Variants in DYRK1A observed in about 807,000 individuals in gnomAD.
DYRK1A encodes the protein dual specificity tyrosine-phosphorylation-regulated kinase 1A.
DYRK1A carries 9 observed loss-of-function variants against 79.7 expected under a neutral mutation model. That is an observed-to-expected ratio of 0.11 (90% confidence interval 0.07 to 0.20). DYRK1A has a LOEUF of 0.20. Ranked by LOEUF, DYRK1A falls within the 10% of genes least tolerant of loss-of-function variation. The pLI is 1.00. For synonymous variants in DYRK1A, 349 were observed against 329.7 expected, an observed-to-expected ratio of 1.06 and a Z score of -0.63; for missense variants, 622 against 956.0, an observed-to-expected ratio of 0.65 and a Z score of 4.61.
chr21:37,376,639 C>T (rs1287938573), intron 1 of DYRK1A, among the ~76,000 whole-genome samples: 1 of 152,058 alleles, frequency 6.6e-6, no homozygotes, highest in East Asian at 1.9e-4. Context: ...TTGGTAATGG[C>T]ACTGTGGGTA....
At chr21:37,417,207 G>T (rs1248589047) in intron 1 of DYRK1A, among the ~76,000 whole-genome samples, 1 of 151,672 alleles carries the variant, frequency 6.6e-6, no homozygotes, top group African/African-American at 2.4e-5. Context: ...ATATATTTTT[G>T]GAGACAGAGT....
intron 2 of DYRK1A, among the ~76,000 whole-genome samples, chr21:37,424,805 A>G (rs1170784046): frequency 2.0e-5 from 3 of 152,172 alleles, no homozygotes; most frequent in Non-Finnish European, 2.9e-5. Context: ...CCTAGGAGTC[A>G]TAATGTTTGA....
chr21:37,486,431 T>G (rs1409612088), intron 5 of DYRK1A, 36 bp from the exon 6 acceptor site: 5 of 1,401,328 alleles, frequency 3.6e-6, no homozygotes, highest in Non-Finnish European at 4.7e-6. Context: ...ATTTTTGCAA[T>G]TAATGAAATA....
At chr21:37,441,168 T>G (rs532230485) in intron 2 of DYRK1A, among the ~76,000 whole-genome samples, 3 of 152,336 alleles carry the variant, frequency 2.0e-5, no homozygotes, top group African/African-American at 7.2e-5. Context: ...GTGATATTCT[T>G]CAGACTGCAG....
intron 8 of DYRK1A, among the ~76,000 whole-genome samples, chr21:37,494,387 T>G (rs1175399071): frequency 6.6e-6 from 1 of 152,160 alleles, no homozygotes; most frequent in African/African-American, 2.4e-5. Context: ...TCCTACTTCC[T>G]CTGATGCCAG....
At chr21:37,482,417 G>A (rs1043342668) in intron 5 of DYRK1A, among the ~76,000 whole-genome samples, 3 of 152,150 alleles carry the variant, frequency 2.0e-5, no homozygotes, top group East Asian at 1.9e-4. Flanking sequence ...CCCACAAGCC[G>A]CAAAACCAGC....
chr21:37,499,275 C>CTTGAA (rs2053367548), intron 9 of DYRK1A, among the ~76,000 whole-genome samples: 1 of 152,068 alleles, frequency 6.6e-6, no homozygotes. Context: ...TGTGGTCCAT[C>CTTGAA]TTGAATTAAT....
At chr21:37,424,203 C>T (rs1304375414) in intron 2 of DYRK1A, among the ~76,000 whole-genome samples, 1 of 152,048 alleles carries the variant, frequency 6.6e-6, no homozygotes, top group Non-Finnish European at 1.5e-5. Context: ...GTCTGTGTCT[C>T]CTTCTCTAGC....
chr21:37,468,687 C>T (rs1056281018), intron 2 of DYRK1A, among the ~76,000 whole-genome samples: 1 of 152,010 alleles, frequency 6.6e-6, no homozygotes, highest in African/African-American at 2.4e-5. Flanking sequence ...AAACTTGATT[C>T]CTATTTTACA....
chr21:37,445,852 C>T (rs1296326503), intron 2 of DYRK1A, among the ~76,000 whole-genome samples: 2 of 152,132 alleles, frequency 1.3e-5, no homozygotes, highest in Non-Finnish European at 2.9e-5. Context: ...GCAGTCTTAA[C>T]ATTCTTACTG....
At chr21:37,464,818 A>G (rs2051970093) in intron 2 of DYRK1A, among the ~76,000 whole-genome samples, 1 of 152,170 alleles carries the variant, frequency 6.6e-6, no homozygotes, top group Non-Finnish European at 1.5e-5. Flanking sequence ...GAACTGAGTC[A>G]TTTTTTCCAT....
chr21:37,446,008 A>G (rs1034568023), intron 2 of DYRK1A, among the ~76,000 whole-genome samples: 12 of 152,178 alleles, frequency 7.9e-5, no homozygotes, highest in Admixed American at 7.9e-4. Context: ...TCTTACTGTA[A>G]TTGATGTGGG....
intron 2 of DYRK1A, 89 bp downstream of exon 2, chr21:37,420,473 A>G (rs984047675): frequency 3.1e-5 from 43 of 1,375,104 alleles, no homozygotes; most frequent in Non-Finnish European, 4.3e-5. Context: ...TTTCTGATAA[A>G]TAGCAGTTAG....
chr21:37,478,430 A>G, intron 4 of DYRK1A, 130 bp downstream of exon 4: 1 of 651,216 alleles, frequency 1.5e-6, no homozygotes, highest in Non-Finnish European at 2.5e-6. Flanking sequence ...ATGAAGACTA[A>G]TGATTTAGAA....
rs80137497 is a variant in DYRK1A at position 37,429,651 on chromosome 21, T to C, written c.10+9267T>C. On this transcript the variant is annotated intron_variant, in intron 2 of 11. Transcript: ENST00000647188. ...CTTTCAAGAGGCCTCTCCTCCAACA[T>C]TGAGAATTACAGCTTGACGTGAGAT... is the stretch of plus-strand genomic sequence containing the variant. Among the ~76,000 whole-genome samples the C allele has an allele frequency of 9.1e-3, 1,379 of 152,264 alleles. 20 individuals are homozygous for C. Among genetic ancestry groups the C allele is most frequent in the African/African-American group, 0.032 (1,322 of 41,530 alleles).
chr21:37,496,389 A>C (rs1204070428), intron 9 of DYRK1A, 131 bp downstream of exon 9: 4 of 918,816 alleles, frequency 4.4e-6, no homozygotes. Flanking sequence ...CCTTACATAG[A>C]TATTTTGTTC....
intron 1 of DYRK1A, among the ~76,000 whole-genome samples, chr21:37,395,040 A>T (rs1190860790): frequency 6.6e-6 from 1 of 152,180 alleles, no homozygotes; most frequent in Non-Finnish European, 1.5e-5. Flanking sequence ...GCCCCCAGAC[A>T]GATCTCTCCC....
At position 37,512,464 on chromosome 21, in the gene DYRK1A, G is replaced by A. The variant is rs749887051; in HGVS notation, c.2198G>A (p.Gly733Glu). Reference sequence around the variant, plus strand: ...GAAGGACATCTGACAATGAGGCAAGGGGCTGATAGAGAAGAGTCCCCCATG... The same window carrying A: ...GAAGGACATCTGACAATGAGGCAAGAGGCTGATAGAGAAGAGTCCCCCATG... ...MTEGHLTMRQ[G>E]ADREESPMTG... is the part of the protein sequence containing the mutation. The change falls in exon 12 of 12, where the codon GGG (glycine) becomes GAG (glutamate). Residue 733 changes from glycine to glutamate, a missense_variant. Gly to Glu is a moderately conservative substitution (Grantham distance 98, BLOSUM62 -2). This residue lies in a region of DYRK1A where 292 missense variants were observed against 316.7 expected (regional missense o/e 0.92). Coordinates refer to ENST00000647188, the MANE Select transcript of DYRK1A (RefSeq NM_001347721.2). 8 of 1,614,096 alleles carry A rather than the reference G, an allele frequency of 5.0e-6. No homozygotes were observed. The African/African-American group carries it at 6.7e-5, about 13-fold the overall frequency.
At chr21:37,454,628 G>A (rs186692467) in intron 2 of DYRK1A, among the ~76,000 whole-genome samples, 55 of 152,166 alleles carry the variant, frequency 3.6e-4, no homozygotes, top group African/African-American at 1.3e-3. Flanking sequence ...AATAATTAAT[G>A]TACCTATTGG....
Sources: gnomAD v4.1 joint callset for allele counts (sites outside exome capture counted in the v4.1 genomes callset) on GRCh38, gnomAD v4.1.1 for gene constraint, gnomAD v4.1.1 regional missense constraint, MANE v1.5 for transcripts, NCBI Gene and HGNC (gene_info 2026-07-23, HGNC 2026-07-21) for gene names.